Variants in SMG1 observed in about 807,000 individuals in gnomAD.
SMG1 encodes SMG1 nonsense mediated mRNA decay associated PI3K related kinase.
In SMG1, 22 loss-of-function variants were observed where a neutral mutation model predicts 419.9. The observed-to-expected ratio is 0.05, with a 90% confidence interval of 0.04 to 0.07. The LOEUF is 0.07. Ranked by LOEUF, SMG1 falls within the 10% of genes least tolerant of loss-of-function variation. SMG1 has a pLI of 1.00. For missense variants in SMG1, 3,185 were observed against 4,342.0 expected (o/e 0.73, Z 7.49); for synonymous variants, 1,538 against 1,553.5 (o/e 0.99, Z 0.23).
intron 51 of SMG1, 129 bp from the exon 52 acceptor site, chr16:18,830,498 G>C (rs1274432191): frequency 1.8e-6 from 2 of 1,093,098 alleles, no homozygotes; most frequent in Middle Eastern, 2.3e-4. Flanking sequence ...TTAAGAAGAA[G>C]TGTTATTAGG....
chr16:18,821,321 G>A (rs555388127), intron 55 of SMG1, among the ~76,000 whole-genome samples: 406 of 25,846 alleles, frequency 0.016, 51 homozygotes, highest in Non-Finnish European at 0.028. Context: ...AGTTACATAT[G>A]TATACATGTG....
chr16:18,848,037 T>G lies in SMG1; in HGVS notation c.5624-4A>C. On this transcript the variant is annotated splice_region_variant and splice_polypyrimidine_tract_variant and intron_variant, in intron 36 of 62. Transcript: ENST00000446231. ...ATTGCAGTGGAAAATTTATTTCCTGTAATGAAATAGGAGAACAAGGAATAT... is the reference window on the plus strand; with the variant it reads ...ATTGCAGTGGAAAATTTATTTCCTGGAATGAAATAGGAGAACAAGGAATAT... 1 of 1,605,298 alleles carries G rather than the reference T, an allele frequency of 6.2e-7. No homozygotes were observed. The highest frequency in any genetic ancestry group is 8.5e-7 in the Non-Finnish European group (1 of 1,172,274).
intron 62 of SMG1, among the ~76,000 whole-genome samples, chr16:18,810,040 T>C (rs1327536389): frequency 1.3e-5 from 2 of 151,526 alleles, no homozygotes; most frequent in African/African-American, 4.9e-5. Context: ...AAGAATATAA[T>C]AGTGTTTAAA....
rs373098875 is a variant in SMG1, at chr16:18,873,989, A to C, written c.1891-1365T>G. On this transcript the variant is annotated intron_variant, in intron 13 of 62. Transcript: ENST00000446231. The stretch of plus-strand genomic sequence containing the variant: ...AAGAATTTATTGTGACTTCAAACAT[A>C]AGCTGTAACTGGTAATAAGCGAAGC... 2.2e-4 allele frequency among the ~76,000 whole-genome samples: 34 copies of C among 152,366 alleles called. No individual in the cohort carries two copies. The East Asian group carries it at 4.6e-3, about 21-fold the overall frequency.
intron 36 of SMG1, 127 bp from the exon 37 acceptor site, chr16:18,848,160 ATAG>A: frequency 8.3e-6 from 6 of 724,924 alleles, no homozygotes; most frequent in Non-Finnish European, 1.1e-5. Context: ...CCTTCCAGGC[ATAG>A]AACTGATTAA....
chr16:18,874,256 A>G (rs1269669022), intron 13 of SMG1, among the ~76,000 whole-genome samples: 1 of 151,828 alleles, frequency 6.6e-6, no homozygotes, highest in East Asian at 2.0e-4. Flanking sequence ...CTCCCAACTT[A>G]GCCTCCAAAG....
intron 51 of SMG1, 89 bp from the exon 52 acceptor site, chr16:18,830,458 T>C: frequency 7.3e-7 from 1 of 1,368,344 alleles, no homozygotes; most frequent in Non-Finnish European, 1.0e-6. Flanking sequence ...CACAGCTGCA[T>C]GCTGTGAGAG....
intron 29 of SMG1, chr16:18,857,498 G>A (rs2034978137): frequency 2.0e-5 from 3 of 152,138 alleles, no homozygotes; most frequent in African/African-American, 7.2e-5. Flanking sequence ...AAATACAAAT[G>A]AAATACACTC....
rs1365573175 is a variant in SMG1, at chr16:18,819,589, A to T, written c.9807T>A (p.Pro3269=). 6 of 1,597,488 alleles carry T rather than the reference A, an allele frequency of 3.8e-6. No individual in the cohort carries two copies. Among genetic ancestry groups the T allele is most frequent in the Admixed American group, 1.7e-5 (1 of 57,288 alleles). ...QRLKWAGGAN[P]ALAPVLQDFE... ...AATCTTGTAGTACAGGGGCCAATGC[A>T]GGGTTGGCACCACCTGCCCACTTGA... The change falls in exon 56 of 63, where the codon CCT becomes CCA. Residue 3269 remains proline (P), a synonymous_variant. Transcript: ENST00000446231.
At position 18,926,235 on chromosome 16, in the gene SMG1, C is replaced by T. The variant is rs1227640489; in HGVS notation, c.-194G>A. ...AGAGGACGGCCGTTCCGGGTTCCGC[C>T]TGAGCCCGCAGCGCAGGACGAGGAG... On this transcript the variant is annotated 5_prime_UTR_variant, in exon 1 of 63. Transcript: ENST00000446231. 15 of 561,544 alleles carry T rather than the reference C, an allele frequency of 2.7e-5. No individual in the cohort carries two copies. Among genetic ancestry groups the T allele is most frequent in the South Asian group, 6.6e-5 (3 of 45,156 alleles). The allele number at this position is 561,544 out of a possible 1,614,324, so 34.8% of individuals were successfully genotyped here.
intron 1 of SMG1, among the ~76,000 whole-genome samples, chr16:18,901,845 G>T (rs1490175958): frequency 6.6e-6 from 1 of 151,180 alleles, no homozygotes; most frequent in Non-Finnish European, 1.5e-5. Context: ...ATGGTGACGG[G>T]CACCTGTAAT....
intron 40 of SMG1, among the ~76,000 whole-genome samples, 154 bp downstream of exon 40, chr16:18,842,054 C>T (rs1041125026): frequency 6.6e-6 from 1 of 152,106 alleles, no homozygotes; most frequent in African/African-American, 2.4e-5. Context: ...CAATCACTGC[C>T]GTTCAAAAGC....
intron 10 of SMG1, among the ~76,000 whole-genome samples, chr16:18,881,339 A>G (rs2036387905): frequency 6.6e-6 from 1 of 151,394 alleles, no homozygotes; most frequent in Middle Eastern, 3.2e-3. Context: ...AACCATTTTG[A>G]AACCATATTG....
At chr16:18,925,851 AG>A (rs1173692464) in intron 1 of SMG1, 98 bp downstream of exon 1, 1 of 883,864 alleles carries the variant, frequency 1.1e-6, no homozygotes, top group Non-Finnish European at 1.6e-6. Context: ...CGAGGGGTGG[AG>A]GGCCTAGGCC....
Position 18,839,812 on chromosome 16 carries a change from A to T in SMG1, c.6831T>A (p.Leu2277=), listed in dbSNP as rs2033808490. ...CTTCCAATACTGCCTTCATTACATG[A>T]AGAGGCCAATCCCGACGGGACACAT... ...SLDVSRRDWP[L]HVMKAVLEEL... Residue 2277 remains leucine, a synonymous_variant, in exon 42 of 63, where the codon CTT becomes CTA. Coordinates refer to ENST00000446231, the MANE Select transcript of SMG1 (RefSeq NM_015092.5). 1 of 1,613,892 alleles carries T rather than the reference A, an allele frequency of 6.2e-7. No individual in the cohort carries two copies. The highest frequency in any genetic ancestry group is 1.3e-5 in the African/African-American group (1 of 74,934).
intron 1 of SMG1, among the ~76,000 whole-genome samples, chr16:18,921,131 C>A: frequency 7.3e-6 from 1 of 137,018 alleles, no homozygotes; most frequent in Middle Eastern, 4.0e-3. Context: ...AAGTAAAACT[C>A]TGTCTCAAAA....
intron 6 of SMG1, among the ~76,000 whole-genome samples, chr16:18,886,294 A>G (rs1041506220): frequency 1.3e-5 from 2 of 152,232 alleles, no homozygotes; most frequent in African/African-American, 4.8e-5. Flanking sequence ...AAAGAAGATC[A>G]GTATGGGACC....
At chr16:18,885,914 C>G (rs966910338) in intron 6 of SMG1, among the ~76,000 whole-genome samples, 2 of 151,892 alleles carry the variant, frequency 1.3e-5, no homozygotes, top group African/African-American at 4.8e-5. Context: ...CTGCTGCACT[C>G]CAGCCTGGAC....
intron 4 of SMG1, among the ~76,000 whole-genome samples, chr16:18,891,359 G>A (rs998946667): frequency 6.6e-6 from 1 of 151,912 alleles, no homozygotes; most frequent in African/African-American, 2.4e-5. Flanking sequence ...TTGGAAGGAG[G>A]AGAAACTTGC....
Sources: allele counts gnomAD v4.1 joint callset (sites outside exome capture counted in the v4.1 genomes callset), GRCh38; gene constraint gnomAD v4.1.1; transcripts MANE v1.5; gene names NCBI Gene and HGNC (gene_info 2026-07-23, HGNC 2026-07-21).